Variants in TBCD observed in about 807,000 individuals in gnomAD.
The protein encoded by TBCD is tubulin folding cofactor D.
TBCD carries 105 observed loss-of-function variants against 169.3 expected under a neutral mutation model. The ratio of observed to expected loss-of-function variants is 0.62; its 90% CI spans 0.53 to 0.73. The LOEUF (loss-of-function observed/expected upper bound fraction) is 0.73. TBCD is among the 30% of genes least tolerant of loss of function. The pLI, the probability that TBCD is intolerant of heterozygous loss-of-function variation, is 0.00. For synonymous variants in TBCD, 700 were observed against 643.9 expected, an observed-to-expected ratio of 1.09 and a Z score of -1.32; for missense variants, 1,444 against 1,600.1, an observed-to-expected ratio of 0.90 and a Z score of 1.66.
chr17:82,818,361 G>A (rs1462998417), intron 13 of TBCD, among the ~76,000 whole-genome samples: 1 of 152,218 alleles, frequency 6.6e-6, no homozygotes, highest in Non-Finnish European at 1.5e-5. Context: ...CCATCTTGGG[G>A]CTGACTCAGG....
At position 82,937,297 on chromosome 17, in the gene TBCD, C is replaced by A. The variant is rs780333606; in HGVS notation, c.3218C>A (p.Ala1073Glu). The change falls in exon 35 of 39, where the codon GCG becomes GAG. Residue 1073 changes from alanine to glutamate, a missense_variant. Physicochemically the swap from Ala to Glu is moderately radical, Grantham distance 107. Coordinates refer to ENST00000355528, the MANE Select transcript of TBCD (RefSeq NM_005993.5). Reference sequence around the variant, plus strand: ...CACCCCTTTGCTGTGAAGTTGCTTGCGCTCTGTAAGAAAGAAATCAAGAAT... The same window carrying A: ...CACCCCTTTGCTGTGAAGTTGCTTGAGCTCTGTAAGAAAGAAATCAAGAAT... ...EDHPFAVKLL[A>E]LCKKEIKNSK... 2 of 1,614,030 alleles carry A rather than the reference C, an allele frequency of 1.2e-6. No homozygotes were observed. Among genetic ancestry groups the A allele is most frequent in the East Asian group, 2.2e-5 (1 of 44,884 alleles).
At chr17:82,805,720 T>C (rs898090016) in intron 9 of TBCD, among the ~76,000 whole-genome samples, 155 bp from the exon 10 acceptor site, 1 of 152,234 alleles carries the variant, frequency 6.6e-6, no homozygotes, top group African/African-American at 2.4e-5. Context: ...CTGATGGCAC[T>C]GCCTCCAGGT....
At chr17:82,780,665 G>C (rs1370071488) in intron 6 of TBCD, among the ~76,000 whole-genome samples, 1 of 8,354 alleles carries the variant, frequency 1.2e-4, no homozygotes, top group African/African-American at 5.9e-4. Context: ...TTTTTTTTGA[G>C]ACAGAGTCTT....
chr17:82,939,116 C>G, intron 36 of TBCD: 1 of 554,368 alleles, frequency 1.8e-6, no homozygotes, highest in Non-Finnish European at 3.2e-6. Context: ...AGCATTTAAA[C>G]AAGAATGATG....
intron 14 of TBCD, among the ~76,000 whole-genome samples, chr17:82,882,092 A>T (rs770974595): frequency 6.6e-6 from 1 of 152,222 alleles, no homozygotes; most frequent in Non-Finnish European, 1.5e-5. Flanking sequence ...GCACTTGGTC[A>T]CAAGGCCCGA....
At chr17:82,863,948 G>C (rs549022137) in intron 13 of TBCD, among the ~76,000 whole-genome samples, 1 of 152,206 alleles carries the variant, frequency 6.6e-6, no homozygotes, top group Non-Finnish European at 1.5e-5. Context: ...GCGGCAGTCC[G>C]ACGTGCAGTC....
intron 11 of TBCD, 65 bp downstream of exon 11, chr17:82,807,733 G>A (rs1266269418): frequency 4.7e-6 from 6 of 1,285,648 alleles, no homozygotes; most frequent in Non-Finnish European, 6.1e-6. Context: ...CGATTCAGCA[G>A]CTACAAATAC....
At chr17:82,821,169 T>G (rs191066937) in intron 13 of TBCD, among the ~76,000 whole-genome samples, 1 of 152,362 alleles carries the variant, frequency 6.6e-6, no homozygotes, top group East Asian at 1.9e-4. Flanking sequence ...TTTCAAATTC[T>G]TGGACTCAAG....
chr17:82,930,363 C>T lies in TBCD; in HGVS notation c.2992-159C>T, dbSNP rs759667203. The T allele has an allele frequency of 2.4e-5, 25 of 1,047,132 alleles. No homozygotes were observed. The highest frequency in any genetic ancestry group is 6.4e-5 in the African/African-American group (4 of 62,056). The allele number at this position is 1,047,132 out of a possible 1,614,324, so 64.9% of individuals were successfully genotyped here. A position where few individuals can be genotyped will look rare whatever the true frequency, so the allele number is the denominator to read the frequency against. ...CGGGTGTCTGCACTGTGAGTGGCTC[C>T]GTGCTGGCGTCCGCACCAGCCGCTT... On this transcript the variant is annotated intron_variant, in intron 32 of 38. Transcript: ENST00000355528. The surrounding 1 kb of genome is among the most constrained non-coding windows in gnomAD (Gnocchi z 5.2).
chr17:82,885,967 T>A (rs1380200778), intron 15 of TBCD: 1 of 152,252 alleles, frequency 6.6e-6, no homozygotes, highest in Non-Finnish European at 1.5e-5. Context: ...TAACAATGTC[T>A]CGGTCTTTCT....
rs541097989 is a variant in TBCD at position 82,883,152 on chromosome 17, C to T, written c.1476-993C>T. On this transcript the variant is annotated intron_variant, in intron 14 of 38. Transcript: ENST00000355528. ...GCGTCCTTCATGTTGACGCGGGCCC[C>T]GCCCCACGGCTCAGGTCTGTCAACT... 2.4e-4 allele frequency among the ~76,000 whole-genome samples: 36 copies of T among 152,394 alleles called. No individual in the cohort carries two copies. The South Asian group carries it at 4.6e-3, about 19-fold the overall frequency.
chr17:82,923,501 C>T lies in TBCD; in HGVS notation c.2179-151C>T, dbSNP rs986139354. The T allele has an allele frequency of 2.2e-5, 14 of 650,900 alleles. No individual in the cohort carries two copies. The South Asian group carries it at 2.2e-4, about 10-fold the overall frequency. 40.3% of individuals were successfully genotyped at this position (650,900 alleles called of 1,614,324 possible). A position where few individuals can be genotyped will look rare whatever the true frequency, so the allele number is the denominator to read the frequency against. Reference sequence around the variant, plus strand: ...CCAACCTCAGGGCGACCCGCTGGGTCCCTGGTCAGGCAGGGGCTGCTCTGA... The same window carrying T: ...CCAACCTCAGGGCGACCCGCTGGGTTCCTGGTCAGGCAGGGGCTGCTCTGA... On this transcript the variant is annotated intron_variant, in intron 25 of 38. Transcript: ENST00000355528. The surrounding 1 kb of genome is among the most constrained non-coding windows in gnomAD (Gnocchi z 4.6).
At chr17:82,878,782 G>A (rs1468060216) in intron 14 of TBCD, among the ~76,000 whole-genome samples, 1 of 152,170 alleles carries the variant, frequency 6.6e-6, no homozygotes, top group African/African-American at 2.4e-5. Flanking sequence ...TTGTTGTGTG[G>A]TCTGGTGGTG....
In TBCD at chr17:82,854,116, T is replaced by C. The variant is rs188130216; in HGVS notation, c.1319-16108T>C. Among the ~76,000 whole-genome samples, 4 of 152,352 alleles carry C rather than the reference T, an allele frequency of 2.6e-5. No homozygotes were observed. In the East Asian group the frequency reaches 5.8e-4, roughly 22 times the overall value. On this transcript the variant is annotated intron_variant, in intron 13 of 38. Transcript: ENST00000355528. ...ACCCTGACCTCGATCACTTTCCATCTGACATATTTGACATTGTTGAGTTTT... is the reference window on the plus strand; with the variant it reads ...ACCCTGACCTCGATCACTTTCCATCCGACATATTTGACATTGTTGAGTTTT...
In TBCD at chr17:82,831,455, T is replaced by C. The variant is rs771302178; in HGVS notation, c.1318+16521T>C. On this transcript the variant is annotated intron_variant, in intron 13 of 38. Coordinates refer to ENST00000355528, the MANE Select transcript of TBCD (RefSeq NM_005993.5). The surrounding 1 kb of genome is among the most constrained non-coding windows in gnomAD (Gnocchi z 4.6). ...GTGAGGCCAGTGACAGGTGGGAGTC[T>C]GAGACCATAGGAGGAAAATGCAGAC... 1 of 1,614,162 alleles carries C rather than the reference T, an allele frequency of 6.2e-7. No individual in the cohort carries two copies. Among genetic ancestry groups the C allele is most frequent in the Non-Finnish European group, 8.5e-7 (1 of 1,180,026 alleles).
At chr17:82,878,604 G>T (rs2058134799) in intron 14 of TBCD, among the ~76,000 whole-genome samples, 2 of 152,188 alleles carry the variant, frequency 1.3e-5, no homozygotes, top group African/African-American at 2.4e-5. Flanking sequence ...GTCCTGCGTG[G>T]TCTGGACCTT....
Position 82,796,445 on chromosome 17 carries a change from G to A in TBCD, c.772-1312G>A, listed in dbSNP as rs143291155. Among the ~76,000 whole-genome samples, 1,222 of 152,350 alleles carry A rather than the reference G, an allele frequency of 8.0e-3. 9 individuals are homozygous for A. Among genetic ancestry groups the A allele is most frequent in the South Asian group, 0.016 (76 of 4,826 alleles). ...GGATCATCTCCATTCACTTGGTAGG[G>A]AACGTGTTACTATCCATTTCGCTAA... On this transcript the variant is annotated intron_variant, in intron 7 of 38. Coordinates refer to ENST00000355528, the MANE Select transcript of TBCD (RefSeq NM_005993.5).
At position 82,786,159 on chromosome 17, in the gene TBCD, C is replaced by T. The variant is rs150128276; in HGVS notation, c.771+4438C>T. 1.4e-4 allele frequency among the ~76,000 whole-genome samples: 22 copies of T among 152,186 alleles called. No individual in the cohort carries two copies. The East Asian group carries it at 4.2e-3, about 29-fold the overall frequency. On this transcript the variant is annotated intron_variant, in intron 7 of 38. Transcript: ENST00000355528. ...ATCATCTGCACCTGGAACCAGGTGG[C>T]GATCCCACCGTAGAACCTGTGGCTC... is the stretch of plus-strand genomic sequence containing the variant.
intron 13 of TBCD, among the ~76,000 whole-genome samples, chr17:82,865,697 CATT>C (rs1343258448): frequency 6.6e-6 from 1 of 152,170 alleles, no homozygotes; most frequent in Admixed American, 6.5e-5. Context: ...AGTAAAACCT[CATT>C]AGTTATCAGA....
Sources: allele counts gnomAD v4.1 joint callset (sites outside exome capture counted in the v4.1 genomes callset), GRCh38; gene constraint gnomAD v4.1.1; non-coding constraint Gnocchi (gnomAD v3.1); transcripts MANE v1.5; gene names NCBI Gene and HGNC (gene_info 2026-07-23, HGNC 2026-07-21).